The following ST6GALNAC3 variants were observed in gnomAD, a reference collection of about 807,000 sequenced individuals.
ST6GALNAC3 encodes alpha-N-acetylgalactosaminide alpha-2,6-sialyltransferase 3.
In ST6GALNAC3, 25 loss-of-function variants were observed where a neutral mutation model predicts 32.7. The ratio of observed to expected loss-of-function variants is 0.76; its 90% confidence interval spans 0.56 to 1.07. The LOEUF (loss-of-function observed/expected upper bound fraction) is 1.07, where lower values mean the gene tolerates loss of function less well. ST6GALNAC3 is among the 50% of genes least tolerant of loss of function. ST6GALNAC3 has a pLI of 0.00. For synonymous variants in ST6GALNAC3, 129 were observed against 133.1 expected, an observed-to-expected ratio of 0.97 and a Z score of 0.21; for missense variants, 355 against 382.4, an observed-to-expected ratio of 0.93 and a Z score of 0.60.
intron 2 of ST6GALNAC3, among the ~76,000 whole-genome samples, chr1:76,335,506 C>T (rs972005766): frequency 3.3e-5 from 5 of 151,972 alleles, no homozygotes; most frequent in African/African-American, 1.2e-4. Context: ...GTGAACCTCA[C>T]GTGCACAGCT....
intron 3 of ST6GALNAC3, among the ~76,000 whole-genome samples, chr1:76,552,679 C>T (rs1362106113): frequency 6.6e-6 from 1 of 152,152 alleles, no homozygotes; most frequent in Non-Finnish European, 1.5e-5. Context: ...ACCATTTATG[C>T]TTTAATATAG....
chr1:76,320,647 G>C (rs2100920130), intron 2 of ST6GALNAC3, among the ~76,000 whole-genome samples: 1 of 152,210 alleles, frequency 6.6e-6, no homozygotes, highest in South Asian at 2.1e-4. Context: ...TATAGAAGAA[G>C]ATAGAAAATG....
At chr1:76,568,682 C>T (rs1339170820) in intron 3 of ST6GALNAC3, among the ~76,000 whole-genome samples, 1 of 152,140 alleles carries the variant, frequency 6.6e-6, no homozygotes, top group Non-Finnish European at 1.5e-5. Flanking sequence ...TTGAAAGGCA[C>T]AGTAGAAACA....
intron 1 of ST6GALNAC3, among the ~76,000 whole-genome samples, chr1:76,227,863 C>T (rs578024491): frequency 6.6e-6 from 1 of 152,284 alleles, no homozygotes; most frequent in African/African-American, 2.4e-5. Flanking sequence ...ACAAGATTTG[C>T]AGCTGTGACT....
At chr1:76,622,399 G>A (rs572338546) in intron 3 of ST6GALNAC3, among the ~76,000 whole-genome samples, 5 of 152,066 alleles carry the variant, frequency 3.3e-5, no homozygotes, top group Non-Finnish European at 5.9e-5. Flanking sequence ...AAGGAAGTAC[G>A]ATGCTTGGTT....
chr1:76,477,194 G>T (rs1004868848), intron 3 of ST6GALNAC3, among the ~76,000 whole-genome samples: 2 of 151,432 alleles, frequency 1.3e-5, no homozygotes, highest in Non-Finnish European at 2.9e-5. Flanking sequence ...TGGATAACTG[G>T]AGACTAGATC....
At chr1:76,478,721 C>T (rs1307091903) in intron 3 of ST6GALNAC3, among the ~76,000 whole-genome samples, 1 of 149,558 alleles carries the variant, frequency 6.7e-6, no homozygotes, top group Non-Finnish European at 1.5e-5. Context: ...TCTCTATGGT[C>T]AGATTCGTGA....
chr1:76,547,861 C>CAAA (rs34464699), intron 3 of ST6GALNAC3, among the ~76,000 whole-genome samples: 9 of 123,356 alleles, frequency 7.3e-5, no homozygotes, highest in African/African-American at 2.9e-4. Context: ...GATTCTGTCT[C>CAAA]AAAAAAAAAA....
At chr1:76,415,204 T>G (rs1654537324) in intron 3 of ST6GALNAC3, among the ~76,000 whole-genome samples, 1 of 136,494 alleles carries the variant, frequency 7.3e-6, no homozygotes, top group East Asian at 2.1e-4. Context: ...GCCAAAACCA[T>G]TAGGTGGTTC....
chr1:76,110,222 A>G (rs1178810609), intron 1 of ST6GALNAC3, among the ~76,000 whole-genome samples: 1 of 152,238 alleles, frequency 6.6e-6, no homozygotes, highest in Non-Finnish European at 1.5e-5. Context: ...CTCTAAGGAA[A>G]GAAATAGGTC....
chr1:76,287,780 G>T (rs1409477620), intron 1 of ST6GALNAC3, among the ~76,000 whole-genome samples: 5 of 152,180 alleles, frequency 3.3e-5, no homozygotes, highest in Admixed American at 2.0e-4. Context: ...GCATCTGCCA[G>T]TTTCTTCTTT....
At chr1:76,554,190 G>T (rs1198699122) in intron 3 of ST6GALNAC3, among the ~76,000 whole-genome samples, 1 of 152,110 alleles carries the variant, frequency 6.6e-6, no homozygotes, top group African/African-American at 2.4e-5. Context: ...GTAATAAACA[G>T]AAGAAAACAG....
chr1:76,377,585 T>TC (rs1311254648), intron 2 of ST6GALNAC3, among the ~76,000 whole-genome samples: 3 of 151,710 alleles, frequency 2.0e-5, no homozygotes, highest in Non-Finnish European at 4.4e-5. Context: ...TCCCACCAGG[T>TC]CCCCCCTCCA....
At chr1:76,447,326 A>G (rs1657050604) in intron 3 of ST6GALNAC3, among the ~76,000 whole-genome samples, 1 of 152,220 alleles carries the variant, frequency 6.6e-6, no homozygotes, top group Non-Finnish European at 1.5e-5. Context: ...TAAGCAGCAA[A>G]GCATTCAAGA....
chr1:76,630,436 C>CTAT lies in ST6GALNAC3; in HGVS notation c.*1632_*1634dup. The CTAT allele has an allele frequency of 1.0e-6, 1 of 985,134 alleles. No homozygotes were observed. Among genetic ancestry groups the CTAT allele is most frequent in the Non-Finnish European group, 1.2e-6 (1 of 829,820 alleles). The allele number at this position is 985,134 out of a possible 1,614,324, so 61.0% of individuals were successfully genotyped here. On this transcript the variant is annotated 3_prime_UTR_variant, in exon 5 of 5. Transcript: ENST00000328299. ...TTCCTTTCCTAGGATTGAGACAATT[C>CTAT]TATTTTTCATATACTCGTTGCTCAT... is the stretch of plus-strand genomic sequence containing the variant.
intron 1 of ST6GALNAC3, among the ~76,000 whole-genome samples, chr1:76,110,873 T>C (rs1314120091): frequency 1.3e-5 from 2 of 152,200 alleles, no homozygotes; most frequent in African/African-American, 4.8e-5. Context: ...CATTAGTGTC[T>C]GGGAACCTAA....
intron 3 of ST6GALNAC3, among the ~76,000 whole-genome samples, chr1:76,538,517 C>T (rs188142066): frequency 6.6e-6 from 1 of 152,170 alleles, no homozygotes; most frequent in African/African-American, 2.4e-5. Flanking sequence ...AAGTTCTGGC[C>T]AGGGCAATCA....
intron 3 of ST6GALNAC3, among the ~76,000 whole-genome samples, chr1:76,512,726 G>A (rs1479619466): frequency 1.3e-5 from 2 of 151,982 alleles, no homozygotes; most frequent in East Asian, 3.9e-4. Flanking sequence ...CTCCCTTCTT[G>A]CTCCTCTCCC....
intron 1 of ST6GALNAC3, among the ~76,000 whole-genome samples, chr1:76,290,171 C>T (rs1244483778): frequency 1.3e-5 from 2 of 152,234 alleles, no homozygotes; most frequent in Admixed American, 1.3e-4. Flanking sequence ...TTCCAGTTCC[C>T]TGCTCCCTCC....
Sources: gnomAD v4.1 joint callset for allele counts (sites outside exome capture counted in the v4.1 genomes callset) on GRCh38, gnomAD v4.1.1 for gene constraint, MANE v1.5 for transcripts, NCBI Gene and HGNC (gene_info 2026-07-23, HGNC 2026-07-21) for gene names.